DENND5B: variants seen among roughly 807,000 people sequenced by gnomAD.
The protein encoded by DENND5B is DENN domain containing 5B.
A neutral mutation model predicts 140.6 loss-of-function variants in DENND5B; 34 were observed. The ratio of observed to expected loss-of-function variants is 0.24; its 90% CI spans 0.18 to 0.32. The LOEUF is 0.32. Ranked by LOEUF, DENND5B falls within the 10% of genes least tolerant of loss-of-function variation. The probability of loss-of-function intolerance (pLI) is 1.00; values close to 1 mark genes in which losing one functional copy is unlikely to be tolerated. For missense variants in DENND5B, 1,142 were observed against 1,560.2 expected, an observed-to-expected ratio of 0.73 and a Z score of 4.52; for synonymous variants, 551 against 562.1, an observed-to-expected ratio of 0.98 and a Z score of 0.28.
chr12:31,487,971 T>C (rs1280198770), intron 2 of DENND5B, among the ~76,000 whole-genome samples: 1 of 152,106 alleles, frequency 6.6e-6, no homozygotes, highest in Non-Finnish European at 1.5e-5. Flanking sequence ...TTTTGTCTTT[T>C]TGGAGACGGA....
At chr12:31,478,269 G>A (rs1945912944) in intron 3 of DENND5B, among the ~76,000 whole-genome samples, 1 of 152,040 alleles carries the variant, frequency 6.6e-6, no homozygotes, top group African/African-American at 2.4e-5. Context: ...CACAAGATGG[G>A]GAAGTACAAA....
At chr12:31,391,764 G>A (rs957890575) in intron 19 of DENND5B, among the ~76,000 whole-genome samples, 7 of 152,050 alleles carry the variant, frequency 4.6e-5, no homozygotes, top group African/African-American at 1.7e-4. Context: ...GGGCTCAAGC[G>A]ATTCTCTTGC....
intron 1 of DENND5B, among the ~76,000 whole-genome samples, chr12:31,539,239 A>C (rs1948608775): frequency 6.6e-6 from 1 of 152,198 alleles, no homozygotes; most frequent in South Asian, 2.1e-4. Flanking sequence ...CAAAGCCATA[A>C]TAAAAAATCT....
chr12:31,426,508 C>A, intron 8 of DENND5B, 84 bp from the exon 9 acceptor site: 1 of 1,457,450 alleles, frequency 6.9e-7, no homozygotes, highest in Non-Finnish European at 9.1e-7. Flanking sequence ...AGTGCAGAGA[C>A]AAATGAAATG....
At chr12:31,468,225 G>A (rs900922783) in intron 3 of DENND5B, among the ~76,000 whole-genome samples, 1 of 152,122 alleles carries the variant, frequency 6.6e-6, no homozygotes, top group Admixed American at 6.6e-5. Context: ...CTGCATTCCA[G>A]TCTGGGCAAC....
chr12:31,505,625 T>C (rs1947168298), intron 1 of DENND5B, among the ~76,000 whole-genome samples: 1 of 152,156 alleles, frequency 6.6e-6, no homozygotes. Context: ...CCACAGGTTC[T>C]AGCCCATGAC....
At chr12:31,402,774 C>T (rs774265995) in intron 14 of DENND5B, 131 bp from the exon 15 acceptor site, 58 of 1,113,136 alleles carry the variant, frequency 5.2e-5, no homozygotes, top group Non-Finnish European at 6.3e-5. Context: ...TGTACTTATA[C>T]GAAAAGTTGA....
At chr12:31,430,046 A>C (rs1394168476) in intron 8 of DENND5B, among the ~76,000 whole-genome samples, 1 of 151,342 alleles carries the variant, frequency 6.6e-6, no homozygotes, top group Admixed American at 6.6e-5. Context: ...TTTTTGAGAC[A>C]GAGTCTTGGT....
chr12:31,410,346 A>G (rs1560634), intron 13 of DENND5B, among the ~76,000 whole-genome samples: 60,442 of 152,122 alleles, frequency 0.4, 12,865 homozygotes, highest in East Asian at 0.6. Flanking sequence ...ATAGGTATTA[A>G]TACATTTAAT....
At chr12:31,437,115 T>C (rs1033034997) in intron 7 of DENND5B, among the ~76,000 whole-genome samples, 32 of 150,948 alleles carry the variant, frequency 2.1e-4, no homozygotes, top group Admixed American at 1.9e-3. Context: ...GCCATCTTAC[T>C]GGCAAAGTCT....
intron 1 of DENND5B, among the ~76,000 whole-genome samples, chr12:31,544,081 T>C (rs1948773548): frequency 6.6e-6 from 1 of 152,096 alleles, no homozygotes; most frequent in Non-Finnish European, 1.5e-5. Flanking sequence ...CAAGAATCGC[T>C]TGAACCTGAG....
At chr12:31,477,941 T>G (rs1268982977) in intron 3 of DENND5B, 1 of 226,236 alleles carries the variant, frequency 4.4e-6, no homozygotes, top group African/African-American at 2.3e-5. Flanking sequence ...GGGGAATTAG[T>G]GCAGTGGCAT....
intron 13 of DENND5B, among the ~76,000 whole-genome samples, chr12:31,412,414 G>A (rs1016885495): frequency 1.3e-5 from 2 of 152,182 alleles, no homozygotes; most frequent in African/African-American, 4.8e-5. Context: ...CAGGGGCTGG[G>A]GAGGGGGAGG....
rs566427349 is a variant in DENND5B, at chr12:31,457,290, A to G, written c.1092+2904T>C. Among the ~76,000 whole-genome samples the G allele has an allele frequency of 5.9e-5, 9 of 152,286 alleles. No individual in the cohort carries two copies. The South Asian group carries it at 1.0e-3, about 18-fold the overall frequency. On this transcript the variant is annotated intron_variant, in intron 4 of 20. Coordinates refer to ENST00000389082, the MANE Select transcript of DENND5B (RefSeq NM_144973.4). ...ATTCTCTCTATCCTACTCCCTAAAA[A>G]ACAGTATTACAAATGGCTACTTGTG...
chr12:31,406,396 G>A (rs938079702), intron 14 of DENND5B, among the ~76,000 whole-genome samples: 1 of 152,162 alleles, frequency 6.6e-6, no homozygotes, highest in Non-Finnish European at 1.5e-5. Flanking sequence ...CTTTCTTTAT[G>A]TTAGGTGAAG....
At chr12:31,511,921 CTTTTTTTTTT>C (rs761566462) in intron 1 of DENND5B, among the ~76,000 whole-genome samples, 1 of 98,944 alleles carries the variant, frequency 1.0e-5, no homozygotes, top group East Asian at 3.1e-4. Flanking sequence ...CTCCACTGCC[CTTTTTTTTTT>C]TTTTTTTTTT....
rs916655722 is a variant in DENND5B, at chr12:31,591,076, T to C, written c.-244A>G. The stretch of plus-strand genomic sequence containing the variant: ...GGGTGGGGGAGGGGCGCGGGGGGAG[T>C]GTCGGCCTGAGAGGCCCTCGCAGCC... On this transcript the variant is annotated 5_prime_UTR_variant, in exon 1 of 21. Transcript: ENST00000389082. 1.2e-5 allele frequency: 2 copies of C among 172,502 alleles called. No individual in the cohort carries two copies. Among genetic ancestry groups the C allele is most frequent in the African/African-American group, 5.2e-5 (2 of 38,672 alleles). 10.7% of individuals were successfully genotyped at this position (172,502 alleles called of 1,614,324 possible).
intron 2 of DENND5B, among the ~76,000 whole-genome samples, chr12:31,492,895 G>A (rs889959571): frequency 6.6e-6 from 1 of 152,126 alleles, no homozygotes; most frequent in Non-Finnish European, 1.5e-5. Context: ...CCAGCAAAAT[G>A]GCATCTCTGA....
At chr12:31,530,598 T>C (rs969381674) in intron 1 of DENND5B, among the ~76,000 whole-genome samples, 1 of 152,198 alleles carries the variant, frequency 6.6e-6, no homozygotes, top group Admixed American at 6.5e-5. Flanking sequence ...CATAGTTGAA[T>C]ATGTCAGCAC....
Sources: gnomAD v4.1 joint callset for allele counts (sites outside exome capture counted in the v4.1 genomes callset) on GRCh38, gnomAD v4.1.1 for gene constraint, MANE v1.5 for transcripts, NCBI Gene and HGNC (gene_info 2026-07-23, HGNC 2026-07-21) for gene names.